The following BMP15 variants were observed in gnomAD, a reference collection of about 807,000 sequenced individuals.
The protein encoded by BMP15 is growth/differentiation factor 9B.
A neutral mutation model predicts 4.4 loss-of-function variants in BMP15; 5 were observed. The ratio of observed to expected loss-of-function variants is 1.13; its 90% confidence interval spans 0.59 to 2.38. The LOEUF is 2.38. Ranked by LOEUF, BMP15 falls within the 30% of genes most tolerant of loss-of-function variation. The pLI, the probability that BMP15 is intolerant of heterozygous loss-of-function variation, is 0.01. For missense variants in BMP15, 339 were observed against 309.8 expected, an observed-to-expected ratio of 1.09 and a Z score of -0.71; for synonymous variants, 125 against 114.6, an observed-to-expected ratio of 1.09 and a Z score of -0.58.
chrX:50,916,181 G>A lies in BMP15; in HGVS notation c.753G>A (p.Arg251=). ...KSIRKAKFLP[R]GMEEFMERES... ...TTCGGAAGGCTAAATTTCTTCCCAG[G>A]GGCATGGAGGAGTTCATGGAAAGGG... is the stretch of plus-strand genomic sequence containing the variant. Residue 251 remains arginine (R), a synonymous_variant, in exon 2 of 2, where the codon AGG becomes AGA. Coordinates refer to ENST00000252677, the MANE Select transcript of BMP15 (RefSeq NM_005448.2). 3.3e-6 allele frequency: 4 copies of A among 1,208,234 alleles called. No homozygotes were observed. Among genetic ancestry groups the A allele is most frequent in the Non-Finnish European group, 4.5e-6 (4 of 895,426 alleles).
chrX:50,914,951 T>A (rs1557280234), intron 1 of BMP15, among the ~76,000 whole-genome samples: 1 of 111,772 alleles, frequency 8.9e-6, no homozygotes, highest in Non-Finnish European at 1.9e-5. Context: ...AATATTTATG[T>A]GATCAAGACT....
intron 1 of BMP15, among the ~76,000 whole-genome samples, chrX:50,912,925 C>A (rs140826022): frequency 9.0e-6 from 1 of 111,486 alleles, no homozygotes; most frequent in Admixed American, 9.5e-5. Flanking sequence ...GCCATTTGAG[C>A]TCAGGTCTAT....
rs104894767 is a variant in BMP15 at position 50,915,966 on chromosome X, G to A, written c.538G>A (p.Ala180Thr). 15,597 of 1,209,873 alleles carry A rather than the reference G, an allele frequency of 0.013. 87 individuals are homozygous for A. Among genetic ancestry groups the A allele is most frequent in the Non-Finnish European group, 0.015 (13,576 of 895,227 alleles). Residue 180 changes from alanine to threonine, a missense_variant, in exon 2 of 2, where the codon GCT (alanine) becomes ACT (threonine). Physicochemically the swap from Ala to Thr is moderately conservative, Grantham distance 58. Coordinates refer to ENST00000252677, the MANE Select transcript of BMP15 (RefSeq NM_005448.2). ...CTCAAAACCTTCCCTGATGTCTAACGCTTGGAAAGAGATGGATATCACACA... is the reference window on the plus strand; with the variant it reads ...CTCAAAACCTTCCCTGATGTCTAACACTTGGAAAGAGATGGATATCACACA... ...DSSKPSLMSN[A>T]WKEMDITQLV...
In BMP15 at chrX:50,911,101, G is replaced by A; in HGVS notation, c.318G>A (p.Arg106=). 1 of 1,180,112 alleles carries A rather than the reference G, an allele frequency of 8.5e-7. No homozygotes were observed. The change falls in exon 1 of 2, where the codon AGG becomes AGA. Residue 106 remains arginine, a synonymous_variant. Coordinates refer to ENST00000252677, the MANE Select transcript of BMP15 (RefSeq NM_005448.2). Reference sequence around the variant, plus strand: ...TGAAGCCCTTGACCAATGTGGCAAGGCCTCACAGAGGTGAGTTGTTATGCC... The same window carrying A: ...TGAAGCCCTTGACCAATGTGGCAAGACCTCACAGAGGTGAGTTGTTATGCC... ...RLVKPLTNVA[R]PHRGTWHIQI...
At chrX:50,913,986 T>C (rs1303588786) in intron 1 of BMP15, among the ~76,000 whole-genome samples, 1 of 111,848 alleles carries the variant, frequency 8.9e-6, no homozygotes, top group African/African-American at 3.3e-5. Flanking sequence ...ACTTATTTTT[T>C]TGAGATGGAG....
rs1446112459 is a variant in BMP15 at position 50,915,833 on chromosome X, G to A, written c.405G>A (p.Val135=). The change falls in exon 2 of 2, where the codon GTG becomes GTA. Residue 135 remains valine, a synonymous_variant. Coordinates refer to ENST00000252677, the MANE Select transcript of BMP15 (RefSeq NM_005448.2). ...RGLYQLVRAT[V]VYRHHLQLTR... is the part of the protein sequence containing the mutation. The stretch of plus-strand genomic sequence containing the variant: ...TATACCAACTAGTTAGAGCCACTGT[G>A]GTTTACCGCCATCATCTCCAACTAA... 2.5e-6 allele frequency: 3 copies of A among 1,211,342 alleles called. No individual in the cohort carries two copies. The highest frequency in any genetic ancestry group is 3.4e-6 in the Non-Finnish European group (3 of 895,377).
rs782669428 is a variant in BMP15, at chrX:50,915,967, C to T, written c.539C>T (p.Ala180Val). Residue 180 changes from alanine to valine, a missense_variant, in exon 2 of 2, where the codon GCT (alanine) becomes GTT (valine). Transcript: ENST00000252677. ...DSSKPSLMSN[A>V]WKEMDITQLV... ...TCAAAACCTTCCCTGATGTCTAACG[C>T]TTGGAAAGAGATGGATATCACACAA... 1.0e-4 allele frequency: 124 copies of T among 1,210,015 alleles called. 1 individual carries two copies. In the South Asian group the frequency reaches 2.0e-3, roughly 20 times the overall value.
At chrX:50,911,471 G>A (rs909179813) in intron 1 of BMP15, among the ~76,000 whole-genome samples, 39 of 112,039 alleles carry the variant, frequency 3.5e-4, no homozygotes, top group African/African-American at 1.1e-3. Context: ...TTTAAGTGGC[G>A]TTTTGCTCTT....
chrX:50,913,552 G>A (rs1923057847), intron 1 of BMP15, among the ~76,000 whole-genome samples: 1 of 111,740 alleles, frequency 8.9e-6, no homozygotes, highest in South Asian at 3.8e-4. Context: ...AATTAGACAT[G>A]TATCCTGGTC....
rs782442559 is a variant in BMP15, at chrX:50,916,061, G to C, written c.633G>C (p.Gln211His). The C allele has an allele frequency of 9.1e-6, 11 of 1,211,998 alleles. No individual in the cohort carries two copies. The South Asian group carries it at 1.9e-4, about 21-fold the overall frequency. ...TACGACTCCGTTTTATGTGTCAGCA[G>C]CAAAAAGATAGTGGTGGTCTTGAGC... ...RILRLRFMCQQQKDSGGLELW... is the reference protein window; with the variant it reads ...RILRLRFMCQHQKDSGGLELW... Residue 211 changes from glutamine (Q) to histidine (H), a missense_variant, in exon 2 of 2, where the codon CAG becomes CAC. Physicochemically the swap from Gln to His is conservative, Grantham distance 24. Coordinates refer to ENST00000252677, the MANE Select transcript of BMP15 (RefSeq NM_005448.2).
At chrX:50,913,916 G>A (rs1923064859) in intron 1 of BMP15, among the ~76,000 whole-genome samples, 1 of 111,514 alleles carries the variant, frequency 9.0e-6, no homozygotes, top group African/African-American at 3.3e-5. Flanking sequence ...TGTGAATAAT[G>A]TCTAGTGCGC....
At chrX:50,915,264 T>C (rs186915804) in intron 1 of BMP15, among the ~76,000 whole-genome samples, 5 of 111,944 alleles carry the variant, frequency 4.5e-5, no homozygotes, top group African/African-American at 1.6e-4. Flanking sequence ...TGAGACTCTT[T>C]CTTAATCCAT....
chrX:50,913,126 G>T (rs781789200), intron 1 of BMP15, among the ~76,000 whole-genome samples: 1 of 111,335 alleles, frequency 9.0e-6, no homozygotes, highest in Admixed American at 9.5e-5. Flanking sequence ...GGACTTGTAG[G>T]CTGTGATAAG....
chrX:50,915,258 ACT>A (rs1347340810), intron 1 of BMP15, among the ~76,000 whole-genome samples: 4 of 110,963 alleles, frequency 3.6e-5, no homozygotes, highest in African/African-American at 1.3e-4. Context: ...ATGACATGAG[ACT>A]CTTTCTTAAT....
At chrX:50,912,755 T>A (rs1372743651) in intron 1 of BMP15, among the ~76,000 whole-genome samples, 1 of 112,084 alleles carries the variant, frequency 8.9e-6, no homozygotes, top group Non-Finnish European at 1.9e-5. Flanking sequence ...CCTACTTTCA[T>A]GGAACATATG....
rs782651376 is a variant in BMP15 at position 50,916,238 on chromosome X, T to C, written c.810T>C (p.Asp270=). 3.3e-6 allele frequency: 4 copies of C among 1,211,609 alleles called. No homozygotes were observed. In the South Asian group the frequency reaches 5.3e-5, roughly 16 times the overall value. ...TTCTCCGGAGAACCCGACAAGCAGA[T>C]GGTATCTCAGCTGAGGTTACTGCCT... ...ESLLRRTRQA[D]GISAEVTASS... is the part of the protein sequence containing the mutation. The change falls in exon 2 of 2, where the codon GAT becomes GAC. Residue 270 remains aspartate, a synonymous_variant. Transcript: ENST00000252677.
intron 1 of BMP15, among the ~76,000 whole-genome samples, chrX:50,913,939 T>C (rs782046197): frequency 9.0e-6 from 1 of 111,212 alleles, no homozygotes; most frequent in Non-Finnish European, 1.9e-5. Flanking sequence ...AGCCCAAGGG[T>C]ATATTAAGCA....
intron 1 of BMP15, among the ~76,000 whole-genome samples, chrX:50,912,244 A>G (rs1923029109): frequency 9.0e-6 from 1 of 111,644 alleles, no homozygotes; most frequent in African/African-American, 3.3e-5. Flanking sequence ...CCCATGTCAT[A>G]CAACCAGTAA....
intron 1 of BMP15, among the ~76,000 whole-genome samples, chrX:50,914,220 C>T (rs915423111): frequency 8.9e-6 from 1 of 112,012 alleles, no homozygotes; most frequent in African/African-American, 3.2e-5. Context: ...GATCCGCCCG[C>T]CTCAGACTCC....
Sources: gnomAD v4.1 joint callset for allele counts (sites outside exome capture counted in the v4.1 genomes callset) on GRCh38, gnomAD v4.1.1 for gene constraint, MANE v1.5 for transcripts, NCBI Gene and HGNC (gene_info 2026-07-23, HGNC 2026-07-21) for gene names.